Variants in ZMIZ1 observed in about 807,000 individuals in gnomAD.
ZMIZ1 encodes zinc finger MIZ domain-containing protein 1.
In ZMIZ1, 17 loss-of-function variants were observed where a neutral mutation model predicts 113.9. That is an observed-to-expected ratio of 0.15 (90% CI 0.10 to 0.22). ZMIZ1 has a LOEUF of 0.22. Ranked by LOEUF, ZMIZ1 falls within the 10% of genes least tolerant of loss-of-function variation. The pLI, the probability that ZMIZ1 is intolerant of heterozygous loss-of-function variation, is 1.00. For missense variants in ZMIZ1, 1,059 were observed against 1,477.8 expected (o/e 0.72, Z 4.65); for synonymous variants, 607 against 603.1 (o/e 1.01, Z -0.09).
At chr10:79,198,529 G>A (rs1357084278) in intron 4 of ZMIZ1, among the ~76,000 whole-genome samples, 1 of 152,156 alleles carries the variant, frequency 6.6e-6, no homozygotes, top group African/African-American at 2.4e-5. Flanking sequence ...TGGGATGAAT[G>A]GAGGGATGGT....
At chr10:79,153,934 C>T (rs1043485682) in intron 3 of ZMIZ1, among the ~76,000 whole-genome samples, 3 of 152,234 alleles carry the variant, frequency 2.0e-5, no homozygotes, top group Non-Finnish European at 4.4e-5. Flanking sequence ...GTTTGGGAAG[C>T]GTGACCGCCA....
chr10:79,222,535 G>T (rs955118538), intron 7 of ZMIZ1, among the ~76,000 whole-genome samples: 1 of 152,162 alleles, frequency 6.6e-6, no homozygotes, highest in African/African-American at 2.4e-5. Context: ...TCCTCAGCCT[G>T]GTTTCCCTGA....
intron 23 of ZMIZ1, among the ~76,000 whole-genome samples, chr10:79,308,078 A>G (rs1268644485): frequency 6.6e-6 from 1 of 152,218 alleles, no homozygotes; most frequent in Non-Finnish European, 1.5e-5. Flanking sequence ...TTATCGACAT[A>G]TGCCCTGTGT....
intron 4 of ZMIZ1, among the ~76,000 whole-genome samples, chr10:79,163,396 A>T (rs1846192953): frequency 6.6e-6 from 1 of 152,254 alleles, no homozygotes; most frequent in Admixed American, 6.5e-5. Context: ...CAGCTTTCTC[A>T]TCTGAAAATG....
intron 3 of ZMIZ1, among the ~76,000 whole-genome samples, chr10:79,152,887 C>T (rs73300105): frequency 0.041 from 6,268 of 152,330 alleles, 187 homozygotes; most frequent in East Asian, 0.14. Flanking sequence ...AGAAAATATT[C>T]GGGGATTCCT....
chr10:79,114,427 T>C (rs1196674569), intron 1 of ZMIZ1, among the ~76,000 whole-genome samples: 3 of 151,068 alleles, frequency 2.0e-5, no homozygotes, highest in African/African-American at 7.3e-5. Context: ...GGAAGGCGGG[T>C]TCAGAGCCAG....
intron 5 of ZMIZ1, among the ~76,000 whole-genome samples, chr10:79,205,832 C>G (rs2132671568): frequency 6.6e-6 from 1 of 152,272 alleles, no homozygotes; most frequent in African/African-American, 2.4e-5. Flanking sequence ...GCACAGTAGC[C>G]ATCATTGTAT....
At chr10:79,170,487 AT>A (rs1268279490) in intron 4 of ZMIZ1, among the ~76,000 whole-genome samples, 5 of 152,138 alleles carry the variant, frequency 3.3e-5, no homozygotes, top group African/African-American at 1.2e-4. Context: ...GTCACATGCC[AT>A]TTATTGGCCA....
At chr10:79,167,661 C>A (rs996376039) in intron 4 of ZMIZ1, among the ~76,000 whole-genome samples, 1 of 152,190 alleles carries the variant, frequency 6.6e-6, no homozygotes, top group Non-Finnish European at 1.5e-5. Context: ...TGAGGCTGCC[C>A]TGTACTTCAT....
chr10:79,265,414 G>A (rs1346597576), intron 7 of ZMIZ1, among the ~76,000 whole-genome samples: 1 of 151,852 alleles, frequency 6.6e-6, no homozygotes, highest in South Asian at 2.1e-4. Flanking sequence ...CAGCAGAGAC[G>A]GACAGGGTCA....
intron 7 of ZMIZ1, among the ~76,000 whole-genome samples, chr10:79,269,708 G>T (rs551076859): frequency 2.9e-4 from 44 of 152,212 alleles, no homozygotes; most frequent in Admixed American, 2.1e-3. Context: ...CTGACCGCCA[G>T]ATCTTACCAG....
intron 2 of ZMIZ1, among the ~76,000 whole-genome samples, chr10:79,136,242 C>T (rs895350654): frequency 6.6e-6 from 1 of 152,222 alleles, no homozygotes; most frequent in African/African-American, 2.4e-5. Flanking sequence ...GGCCATGTGA[C>T]TTTTGGCAAA....
intron 1 of ZMIZ1, among the ~76,000 whole-genome samples, chr10:79,103,822 G>A (rs971089485): frequency 6.6e-6 from 1 of 152,134 alleles, no homozygotes; most frequent in Non-Finnish European, 1.5e-5. Flanking sequence ...AGGACCTTCC[G>A]GTCCCCTGGC....
intron 3 of ZMIZ1, among the ~76,000 whole-genome samples, chr10:79,149,903 ACTTTTG>A (rs1254481698): frequency 4.6e-5 from 7 of 152,216 alleles, no homozygotes; most frequent in Non-Finnish European, 1.0e-4. Flanking sequence ...ACCCAGCAGC[ACTTTTG>A]TCGAGGCCTC....
intron 11 of ZMIZ1, chr10:79,292,648 A>G (rs1275253201): frequency 9.8e-6 from 5 of 510,346 alleles, no homozygotes; most frequent in East Asian, 4.0e-5. Context: ...AAAAGGTTCT[A>G]CATGGCTCTC....
At chr10:79,130,051 G>A (rs1844688665) in intron 2 of ZMIZ1, among the ~76,000 whole-genome samples, 2 of 152,130 alleles carry the variant, frequency 1.3e-5, no homozygotes, top group Non-Finnish European at 2.9e-5. Flanking sequence ...AGATGCCTAG[G>A]TCATCCTTGA....
At chr10:79,203,210 G>T (rs1378938979) in intron 5 of ZMIZ1, among the ~76,000 whole-genome samples, 1 of 152,198 alleles carries the variant, frequency 6.6e-6, no homozygotes, top group African/African-American at 2.4e-5. Flanking sequence ...CCTCCCCAAG[G>T]TGCCTGCCCA....
At chr10:79,280,548 T>A (rs1365487673) in intron 8 of ZMIZ1, among the ~76,000 whole-genome samples, 1 of 150,186 alleles carries the variant, frequency 6.7e-6, no homozygotes, top group Non-Finnish European at 1.5e-5. Context: ...GTGCTGGGAT[T>A]ACAGGCATGC....
intron 4 of ZMIZ1, among the ~76,000 whole-genome samples, chr10:79,173,886 C>A (rs1240266732): frequency 1.3e-5 from 2 of 152,158 alleles, no homozygotes; most frequent in Admixed American, 1.3e-4. Context: ...CAAGCCTGAA[C>A]CCTCAGCCAG....
Sources: allele counts gnomAD v4.1 joint callset (sites outside exome capture counted in the v4.1 genomes callset), GRCh38; gene constraint gnomAD v4.1.1; transcripts MANE v1.5; gene names NCBI Gene and HGNC (gene_info 2026-07-23, HGNC 2026-07-21).